The following SPG11 variants were observed in gnomAD, a reference collection of about 807,000 sequenced individuals.
SPG11 encodes the protein SPG11 vesicle trafficking associated, spatacsin.
A neutral mutation model predicts 274.0 loss-of-function variants in SPG11; 222 were observed. The ratio of observed to expected loss-of-function variants is 0.81; its 90% confidence interval spans 0.73 to 0.91. SPG11 has a LOEUF of 0.91. SPG11 is among the 40% of genes least tolerant of loss of function. SPG11 has a pLI of 0.00. For synonymous variants in SPG11, 1,144 were observed against 1,039.7 expected (o/e 1.10, Z -1.93); for missense variants, 3,114 against 2,872.7 (o/e 1.08, Z -1.92).
rs1453014223 is a variant in SPG11, at chr15:44,600,726, C to T, written c.3521-94G>A. ...AACTCTCTAATGATAAAACTGGTTG[C>T]TGTAATTATTTTGCATCACTACGTA... is the stretch of plus-strand genomic sequence containing the variant. On this transcript the variant is annotated intron_variant, in intron 20 of 39. Coordinates refer to ENST00000261866, the MANE Select transcript of SPG11 (RefSeq NM_025137.4). The T allele has an allele frequency of 1.3e-5, 18 of 1,378,240 alleles. No individual in the cohort carries two copies. The East Asian group carries it at 4.2e-4, about 32-fold the overall frequency. 85.4% of individuals were successfully genotyped at this position (1,378,240 alleles called of 1,614,324 possible).
chr15:44,607,736 A>G (rs1374461861), intron 19 of SPG11, among the ~76,000 whole-genome samples: 1 of 152,240 alleles, frequency 6.6e-6, no homozygotes, highest in Non-Finnish European at 1.5e-5. Flanking sequence ...TTTGAAATGT[A>G]AGCAAAATTA....
At chr15:44,594,795 C>T (rs1024543872) in intron 26 of SPG11, among the ~76,000 whole-genome samples, 4 of 151,988 alleles carry the variant, frequency 2.6e-5, no homozygotes, top group South Asian at 4.1e-4. Context: ...ATAAATACGA[C>T]TTTGCTAAGT....
At chr15:44,629,770 T>C (rs1193114587) in intron 8 of SPG11, among the ~76,000 whole-genome samples, 1 of 152,188 alleles carries the variant, frequency 6.6e-6, no homozygotes, top group African/African-American at 2.4e-5. Context: ...CCCGAGCTAA[T>C]TTAGAAAGTA....
At chr15:44,661,352 TAAA>T (rs1286025734) in intron 1 of SPG11, among the ~76,000 whole-genome samples, 1 of 152,104 alleles carries the variant, frequency 6.6e-6, no homozygotes, top group East Asian at 1.9e-4. Context: ...ACATTACAAA[TAAA>T]AGCCCCAGAT....
chr15:44,645,482 G>A (rs533524897), intron 7 of SPG11, among the ~76,000 whole-genome samples: 1 of 152,210 alleles, frequency 6.6e-6, no homozygotes, highest in Admixed American at 6.5e-5. Context: ...TTTGATTAAA[G>A]ACTTAAAAGT....
chr15:44,589,497 AAAGCT>A, intron 27 of SPG11, 83 bp from the exon 28 acceptor site: 1 of 1,555,092 alleles, frequency 6.4e-7, no homozygotes, highest in Admixed American at 1.7e-5. Context: ...AACCTCTAAG[AAAGCT>A]AAAATTCCCT....
At chr15:44,595,581 A>C in intron 25 of SPG11, 122 bp from the exon 26 acceptor site, 2 of 1,075,870 alleles carry the variant, frequency 1.9e-6, no homozygotes, top group Non-Finnish European at 1.4e-6. Context: ...AATGGCTTGA[A>C]AAGCCTTCAA....
chr15:44,633,354 AAAAAAAAAGAAAG>A, intron 8 of SPG11, 138 bp downstream of exon 8: 2 of 328,906 alleles, frequency 6.1e-6, no homozygotes, highest in East Asian at 6.0e-5. Flanking sequence ...AAAAAAAAAA[AAAAAAAAAGAAAG>A]TTTCCAAAAA....
At chr15:44,638,195 C>T (rs1595910572) in intron 7 of SPG11, among the ~76,000 whole-genome samples, 1 of 152,272 alleles carries the variant, frequency 6.6e-6, no homozygotes, top group Admixed American at 6.5e-5. Context: ...GGTGTGGTGG[C>T]TCACGCCTGT....
At chr15:44,610,581 T>C (rs1222650378) in intron 18 of SPG11, among the ~76,000 whole-genome samples, 1 of 151,918 alleles carries the variant, frequency 6.6e-6, no homozygotes, top group Non-Finnish European at 1.5e-5. Flanking sequence ...TTTCACCACG[T>C]TGGCCAGGCT....
At position 44,562,947 on chromosome 15, in the gene SPG11, A is replaced by G; in HGVS notation, c.*174T>C. The G allele has an allele frequency of 1.6e-6, 1 of 611,534 alleles. No individual in the cohort carries two copies. The highest frequency in any genetic ancestry group is 2.0e-5 in the South Asian group (1 of 50,312). The allele number at this position is 611,534 out of a possible 1,614,324, so 37.9% of individuals were successfully genotyped here. ...ATCATCTAAAATCAATCTATTTTAAATAGGAATTTCCTCCTGAAAAGTTTC... is the reference window on the plus strand; with the variant it reads ...ATCATCTAAAATCAATCTATTTTAAGTAGGAATTTCCTCCTGAAAAGTTTC... On this transcript the variant is annotated 3_prime_UTR_variant, in exon 40 of 40. Transcript: ENST00000261866.
intron 33 of SPG11, among the ~76,000 whole-genome samples, chr15:44,572,093 T>A (rs1462640280): frequency 6.6e-6 from 1 of 152,260 alleles, no homozygotes; most frequent in East Asian, 1.9e-4. Context: ...CTGTTCCCCA[T>A]TCTAATATAC....
intron 8 of SPG11, among the ~76,000 whole-genome samples, chr15:44,629,831 G>A (rs1391004420): frequency 1.3e-5 from 2 of 151,680 alleles, no homozygotes; most frequent in East Asian, 3.9e-4. Flanking sequence ...AACACTTTGG[G>A]AGGCCAAGGC....
Position 44,598,381 on chromosome 15 carries a change from AAATATAAACAAC to A in SPG11, c.3893-20_3893-9del, listed in dbSNP as rs765375192. The A allele has an allele frequency of 1.6e-5, 26 of 1,608,912 alleles. No individual in the cohort carries two copies. Among genetic ancestry groups the A allele is most frequent in the Non-Finnish European group, 2.2e-5 (26 of 1,175,458 alleles). ...GTTTAGATAGTTTTTCGGCTGTAAG[AAATATAAACAAC>A]AAAATATGGTGAAGAGAAAAAGTCA... is the stretch of plus-strand genomic sequence containing the variant. On this transcript the variant is annotated splice_polypyrimidine_tract_variant and intron_variant, in intron 22 of 39. Transcript: ENST00000261866.
At chr15:44,602,483 C>CT (rs1226587279) in intron 20 of SPG11, among the ~76,000 whole-genome samples, 3,105 of 142,914 alleles carry the variant, frequency 0.022, 111 homozygotes, top group African/African-American at 0.07. Context: ...TGGTTTTTGT[C>CT]TTTTTTTTTT....
chr15:44,609,338 C>T (rs2083400965), intron 18 of SPG11, among the ~76,000 whole-genome samples: 1 of 151,804 alleles, frequency 6.6e-6, no homozygotes, highest in African/African-American at 2.4e-5. Context: ...GGGGTTTCAC[C>T]ATGTTAGGTC....
chr15:44,596,969 T>C (rs759678861), intron 23 of SPG11, 26 bp from the exon 24 acceptor site: 1 of 1,612,582 alleles, frequency 6.2e-7, no homozygotes, highest in Non-Finnish European at 8.5e-7. Flanking sequence ...GAGGTGGGGG[T>C]GGTCAAGAAA....
chr15:44,649,385 C>A (rs938790916), intron 6 of SPG11, among the ~76,000 whole-genome samples: 23 of 152,160 alleles, frequency 1.5e-4, no homozygotes, highest in African/African-American at 5.3e-4. Flanking sequence ...AACTGTTTTG[C>A]TAATTTAAAA....
At chr15:44,657,620 A>C (rs1001623364) in intron 3 of SPG11, among the ~76,000 whole-genome samples, 4 of 152,214 alleles carry the variant, frequency 2.6e-5, no homozygotes, top group African/African-American at 9.6e-5. Flanking sequence ...CTGTCTATCC[A>C]AAGTATTATC....
Sources: allele counts gnomAD v4.1 joint callset (sites outside exome capture counted in the v4.1 genomes callset), GRCh38; gene constraint gnomAD v4.1.1; transcripts MANE v1.5; gene names NCBI Gene and HGNC (gene_info 2026-07-23, HGNC 2026-07-21).